ZBTB7A: variants seen among roughly 807,000 people sequenced by gnomAD.
ZBTB7A encodes the protein zinc finger and BTB domain-containing protein 7A.
A neutral mutation model predicts 26.7 loss-of-function variants in ZBTB7A; 7 were observed. The ratio of observed to expected loss-of-function variants is 0.26; its 90% CI spans 0.15 to 0.49. The LOEUF (loss-of-function observed/expected upper bound fraction) is 0.49, where lower values mean the gene tolerates loss of function less well. Among genes scored for constraint, ZBTB7A ranks in the 20% least tolerant of loss-of-function variants. The probability of loss-of-function intolerance (pLI) is 0.98; values close to 1 mark genes in which losing one functional copy is unlikely to be tolerated. For missense variants in ZBTB7A, 617 were observed against 919.5 expected, an observed-to-expected ratio of 0.67 and a Z score of 4.25; for synonymous variants, 452 against 441.0, an observed-to-expected ratio of 1.02 and a Z score of -0.31.
intron 1 of ZBTB7A, among the ~76,000 whole-genome samples, chr19:4,064,678 C>T (rs1375321338): frequency 6.6e-6 from 1 of 152,210 alleles, no homozygotes. Context: ...AATCCCCACG[C>T]CCTCTCCGGA....
chr19:4,047,626 TATAG>T lies in ZBTB7A; in HGVS notation c.*122_*125del. The T allele has an allele frequency of 9.8e-6, 8 of 818,932 alleles. No homozygotes were observed. Among genetic ancestry groups the T allele is most frequent in the Non-Finnish European group, 1.3e-5 (7 of 557,574 alleles). The allele number at this position is 818,932 out of a possible 1,614,324, so 50.7% of individuals were successfully genotyped here. On this transcript the variant is annotated 3_prime_UTR_variant, in exon 3 of 3. Transcript: ENST00000322357. ...ATATATATATATCTGTATATATATA[TATAG>T]ATATAGATATCTGTATATAGATAGA... is the stretch of plus-strand genomic sequence containing the variant.
chr19:4,054,337 C>G lies in ZBTB7A; in HGVS notation c.896G>C (p.Gly299Ala). The part of the protein sequence containing the change: ...EPGDSPGFLS[G>A]AAEGEDGDGP... ...GTCCCCGTCCTCGCCCTCGGCCGCT[C>G]CCGACAGGAAGCCCGGAGAGTCGCC... The change falls in exon 2 of 3, where the codon GGA becomes GCA. Residue 299 changes from glycine to alanine, a missense_variant. Transcript: ENST00000322357. 6.6e-7 allele frequency: 1 copy of G among 1,507,682 alleles called. No homozygotes were observed. Among genetic ancestry groups the G allele is most frequent in the Non-Finnish European group, 8.8e-7 (1 of 1,136,148 alleles). 93.4% of individuals were successfully genotyped at this position (1,507,682 alleles called of 1,614,324 possible).
chr19:4,054,829 T>C lies in ZBTB7A; in HGVS notation c.404A>G (p.Asp135Gly), dbSNP rs2040557944. The change falls in exon 2 of 3, where the codon GAC becomes GGC. Residue 135 changes from aspartate to glycine, a missense_variant. Transcript: ENST00000322357. ...CAGCTGCCCGGCGTCGGCGCCCGCG[T>C]CGGCCGCCAGGATCTGCCGGTCCAG... is the stretch of plus-strand genomic sequence containing the variant. ...DLLDRQILAA[D>G]AGADAGQLDL... 1 of 1,602,012 alleles carries C rather than the reference T, an allele frequency of 6.2e-7. No individual in the cohort carries two copies. Among genetic ancestry groups the C allele is most frequent in the Non-Finnish European group, 8.5e-7 (1 of 1,174,394 alleles).
rs2040455277 is a variant in ZBTB7A, at chr19:4,048,629, G to C, written c.1263-385C>G. 6.6e-6 allele frequency among the ~76,000 whole-genome samples: 1 copy of C among 151,822 alleles called. No homozygotes were observed. Among genetic ancestry groups the C allele is most frequent in the Non-Finnish European group, 1.5e-5 (1 of 67,978 alleles). On this transcript the variant is annotated intron_variant, in intron 2 of 2. Transcript: ENST00000322357. The surrounding 1 kb of genome is among the most constrained non-coding windows in gnomAD (Gnocchi z 6.7). ...GCGGATCACTTGAGGCCAGGAGTTC[G>C]AGACCAGCCTGATCGACACGGTGAA...
Position 4,054,193 on chromosome 19 carries a change from C to G in ZBTB7A, c.1040G>C (p.Gly347Ala). 1 of 1,592,660 alleles carries G rather than the reference C, an allele frequency of 6.3e-7. No individual in the cohort carries two copies. Among genetic ancestry groups the G allele is most frequent in the African/African-American group, 1.3e-5 (1 of 74,804 alleles). Reference protein sequence around the residue: ...SDEESRADDKGVMDYYLKYFS... With the variant: ...SDEESRADDKAVMDYYLKYFS... The stretch of plus-strand genomic sequence containing the variant: ...GTACTTCAGGTAGTAGTCCATGACG[C>G]CCTTGTCGTCGGCCCGCGACTCCTC... Residue 347 changes from glycine (G) to alanine (A), a missense_variant, in exon 2 of 3, where the codon GGC becomes GCC. Physicochemically the swap from Gly to Ala is moderately conservative, Grantham distance 60. This residue lies in a region of ZBTB7A where 331 missense variants were observed against 391.3 expected (regional missense o/e 0.85). Coordinates refer to ENST00000322357, the MANE Select transcript of ZBTB7A (RefSeq NM_015898.4).
intron 1 of ZBTB7A, among the ~76,000 whole-genome samples, chr19:4,060,515 C>T (rs2040627925): frequency 2.0e-5 from 3 of 152,370 alleles, no homozygotes; most frequent in Admixed American, 6.5e-5. Flanking sequence ...GTCGAGGTCA[C>T]ACAGCAGCCC....
intron 1 of ZBTB7A, among the ~76,000 whole-genome samples, chr19:4,061,414 G>T (rs998422190): frequency 6.6e-6 from 1 of 151,328 alleles, no homozygotes; most frequent in Non-Finnish European, 1.5e-5. Flanking sequence ...GGTTGGTCCC[G>T]ACGGGTAACC....
At position 4,048,428 on chromosome 19, in the gene ZBTB7A, T is replaced by G. The variant is rs1410494779; in HGVS notation, c.1263-184A>C. Among the ~76,000 whole-genome samples, 1 of 152,214 alleles carries G rather than the reference T, an allele frequency of 6.6e-6. No homozygotes were observed. The highest frequency in any genetic ancestry group is 2.4e-5 in the African/African-American group (1 of 41,458). ...AAAAACGAGACGAGTGGGGGCGATT[T>G]CGCATTCTGAACATCTAAAGAGGGC... On this transcript the variant is annotated intron_variant, in intron 2 of 2. Transcript: ENST00000322357. This position sits in a 1 kb window ranked among gnomAD's most constrained non-coding sequence, Gnocchi z 6.7.
intron 1 of ZBTB7A, among the ~76,000 whole-genome samples, chr19:4,059,725 G>C (rs1364209141): frequency 6.6e-6 from 1 of 152,054 alleles, no homozygotes; most frequent in Non-Finnish European, 1.5e-5. Context: ...CTCACTCCAG[G>C]AACACAAGCC....
At chr19:4,064,982 G>T (rs1021844778) in intron 1 of ZBTB7A, among the ~76,000 whole-genome samples, 3 of 151,818 alleles carry the variant, frequency 2.0e-5, no homozygotes, top group Non-Finnish European at 2.9e-5. Context: ...GCAGAGGCCC[G>T]GTCCCTGGGG....
chr19:4,064,151 G>A (rs1048779293), intron 1 of ZBTB7A, among the ~76,000 whole-genome samples: 3 of 152,256 alleles, frequency 2.0e-5, no homozygotes, highest in South Asian at 2.1e-4. Context: ...GCCGCCCGCG[G>A]GCCTCTGCCG....
rs1321635792 is a variant in ZBTB7A, at chr19:4,045,136, G to GC, written c.*2615dup. 1 of 152,230 alleles carries GC rather than the reference G, an allele frequency of 6.6e-6. No homozygotes were observed. Among genetic ancestry groups the GC allele is most frequent in the Admixed American group, 6.5e-5 (1 of 15,278 alleles). 9.4% of individuals were successfully genotyped at this position (152,230 alleles called of 1,614,324 possible). A position where few individuals can be genotyped will look rare whatever the true frequency, so the allele number is the denominator to read the frequency against. ...GAGGTCTGTGTAAGTGTCGCGGTGG[G>GC]CCGCAGCCCTTGTTCCTACGGAAGT... On this transcript the variant is annotated 3_prime_UTR_variant, in exon 3 of 3. Transcript: ENST00000322357. This position sits in a 1 kb window ranked among gnomAD's most constrained non-coding sequence, Gnocchi z 4.1.
At chr19:4,060,664 G>A (rs960023039) in intron 1 of ZBTB7A, among the ~76,000 whole-genome samples, 2 of 152,228 alleles carry the variant, frequency 1.3e-5, no homozygotes, top group Non-Finnish European at 2.9e-5. Context: ...AGCACGGGGA[G>A]CATCAGGAAC....
chr19:4,063,708 G>C (rs1220582393), intron 1 of ZBTB7A, among the ~76,000 whole-genome samples: 1 of 152,188 alleles, frequency 6.6e-6, no homozygotes, highest in Non-Finnish European at 1.5e-5. Context: ...AGGCGCCCCT[G>C]GGCCACCACA....
intron 2 of ZBTB7A, among the ~76,000 whole-genome samples, chr19:4,050,548 G>C (rs1479078616): frequency 6.6e-6 from 1 of 152,194 alleles, no homozygotes; most frequent in Admixed American, 6.5e-5. Context: ...ATATCAGTGG[G>C]GTGCCTGTGG....
intron 1 of ZBTB7A, among the ~76,000 whole-genome samples, chr19:4,057,637 T>A (rs1272877258): frequency 6.7e-6 from 1 of 148,766 alleles, no homozygotes; most frequent in Non-Finnish European, 1.5e-5. Context: ...AAAAATTAGC[T>A]GGGCCTGGTG....
At position 4,049,166 on chromosome 19, in the gene ZBTB7A, GTGTATATATATATATATATA is replaced by G. The variant is rs1301936903; in HGVS notation, c.1263-942_1263-923del. On this transcript the variant is annotated intron_variant, in intron 2 of 2. Coordinates refer to ENST00000322357, the MANE Select transcript of ZBTB7A (RefSeq NM_015898.4). ...AAACTATATGTGTGTGTGTGTGTGT[GTGTATATATATATATATATA>G]TATATATATATATATATATATATGT... 3.7e-4 allele frequency among the ~76,000 whole-genome samples: 5 copies of G among 13,484 alleles called. 1 individual carries two copies. Among genetic ancestry groups the G allele is most frequent in the South Asian group, 5.9e-3 (2 of 340 alleles). The allele number at this position is 13,484 out of a possible 152,430, so 8.8% of individuals were successfully genotyped here. A position where few individuals can be genotyped will look rare whatever the true frequency, so the allele number is the denominator to read the frequency against.
rs747832412 is a variant in ZBTB7A, at chr19:4,054,048, G to A, written c.1185C>T (p.Gly395=). The stretch of plus-strand genomic sequence containing the variant: ...GGGTGCGGATGTGTCGCGGCAGCTT[G>A]CCGGCGCCCTGGATGACCTTCTCGC... The part of the protein sequence containing the change: ...PICEKVIQGA[G]KLPRHIRTHT... Residue 395 remains glycine (G), a synonymous_variant, in exon 2 of 3, where the codon GGC becomes GGT. Coordinates refer to ENST00000322357, the MANE Select transcript of ZBTB7A (RefSeq NM_015898.4). 2.5e-6 allele frequency: 4 copies of A among 1,612,234 alleles called. No homozygotes were observed. The highest frequency in any genetic ancestry group is 3.4e-6 in the Non-Finnish European group (4 of 1,179,870).
At chr19:4,053,618 A>G (rs935764654) in intron 2 of ZBTB7A, among the ~76,000 whole-genome samples, 9 of 136,786 alleles carry the variant, frequency 6.6e-5, no homozygotes, top group African/African-American at 2.6e-4. Flanking sequence ...TGTGATGTGT[A>G]TGTGGTGTGC....
Sources: allele counts gnomAD v4.1 joint callset (sites outside exome capture counted in the v4.1 genomes callset), GRCh38; gene constraint gnomAD v4.1.1; regional missense constraint gnomAD v4.1.1; non-coding constraint Gnocchi (gnomAD v3.1); transcripts MANE v1.5; gene names NCBI Gene and HGNC (gene_info 2026-07-23, HGNC 2026-07-21).